GAB1: variants seen among roughly 807,000 people sequenced by gnomAD.
GAB1 encodes the protein GRB2 associated binding protein 1.
A neutral mutation model predicts 66.5 loss-of-function variants in GAB1; 19 were observed. The observed-to-expected ratio is 0.29, with a 90% CI of 0.20 to 0.42. The LOEUF is 0.42. Ranked by LOEUF, GAB1 falls within the 10% of genes least tolerant of loss-of-function variation. The pLI is 1.00. For synonymous variants in GAB1, 294 were observed against 301.4 expected, an observed-to-expected ratio of 0.98 and a Z score of 0.25; for missense variants, 732 against 858.5, an observed-to-expected ratio of 0.85 and a Z score of 1.84.
chr4:143,460,571 C>A, intron 8 of GAB1, 84 bp downstream of exon 8: 2 of 1,268,604 alleles, frequency 1.6e-6, no homozygotes, highest in Non-Finnish European at 2.2e-6. Context: ...AAATTTTATC[C>A]TCGTATCTTT....
intron 1 of GAB1, among the ~76,000 whole-genome samples, chr4:143,413,824 C>CCTTTTTTTTTTTTTTTTTTTTTTT (rs61697817): frequency 2.9e-5 from 2 of 67,826 alleles, no homozygotes; most frequent in African/African-American, 1.9e-4. Flanking sequence ...CCCCGCTGCC[C>CCTTTTTTTTTTTTTTTTTTTTTTT]TTTTTTTTTT....
chr4:143,336,881 C>T lies in GAB1; in HGVS notation c.-308C>T, dbSNP rs1352237372. The T allele has an allele frequency of 2.4e-6, 1 of 416,600 alleles. No individual in the cohort carries two copies. The highest frequency in any genetic ancestry group is 4.3e-6 in the Non-Finnish European group (1 of 231,594). 25.8% of individuals were successfully genotyped at this position (416,600 alleles called of 1,614,324 possible). ...CTCCGGCACCGAGTCGGGGCAGAGT[C>T]CCGCTGAGTCCGAGCGCTGCTGAGG... On this transcript the variant is annotated 5_prime_UTR_variant, in exon 1 of 10. Transcript: ENST00000262994.
chr4:143,390,873 G>A (rs1459588319), intron 1 of GAB1, among the ~76,000 whole-genome samples: 1 of 152,120 alleles, frequency 6.6e-6, no homozygotes, highest in African/African-American at 2.4e-5. Context: ...TAGGTCGCAG[G>A]TATGTCTGTG....
chr4:143,366,263 TAGAG>T (rs1729878459), intron 1 of GAB1, among the ~76,000 whole-genome samples: 2 of 152,204 alleles, frequency 1.3e-5, no homozygotes, highest in South Asian at 4.1e-4. Flanking sequence ...CTTTAGATAA[TAGAG>T]AAAGCATATT....
At chr4:143,380,069 A>G (rs1328055200) in intron 1 of GAB1, among the ~76,000 whole-genome samples, 1 of 150,180 alleles carries the variant, frequency 6.7e-6, no homozygotes, top group Non-Finnish European at 1.5e-5. Context: ...TTGAATTTCT[A>G]ACGTGGACCC....
chr4:143,337,010 G>A lies in GAB1; in HGVS notation c.-179G>A. 1.7e-6 allele frequency: 1 copy of A among 594,294 alleles called. No individual in the cohort carries two copies. The highest frequency in any genetic ancestry group is 3.0e-6 in the Non-Finnish European group (1 of 335,394). The allele number at this position is 594,294 out of a possible 1,614,324, so 36.8% of individuals were successfully genotyped here. ...TTCTGTTCAGGTTCGTGGGCCTGCA[G>A]AGGAGAGACTCGAACTCGTGGAACC... On this transcript the variant is annotated 5_prime_UTR_variant, in exon 1 of 10. Coordinates refer to ENST00000262994, the MANE Select transcript of GAB1 (RefSeq NM_002039.4).
At chr4:143,451,746 A>G (rs970108176) in intron 6 of GAB1, among the ~76,000 whole-genome samples, 9 of 152,150 alleles carry the variant, frequency 5.9e-5, no homozygotes, top group Non-Finnish European at 1.2e-4. Context: ...AAGGCATAGC[A>G]AAAGTCCCCC....
intron 1 of GAB1, among the ~76,000 whole-genome samples, chr4:143,368,152 T>C (rs1472873): frequency 0.32 from 49,074 of 151,448 alleles, 8,174 homozygotes; most frequent in South Asian, 0.49. Context: ...GGAAAAAATA[T>C]ATTATTGATA....
chr4:143,339,095 T>C (rs572310770), intron 1 of GAB1, among the ~76,000 whole-genome samples: 13 of 152,260 alleles, frequency 8.5e-5, no homozygotes, highest in Non-Finnish European at 1.8e-4. Context: ...TTACAACTGT[T>C]TTCTGAGGTA....
chr4:143,349,513 A>T (rs62337514), intron 1 of GAB1: 55,334 of 1,538,004 alleles, frequency 0.036, 1,150 homozygotes, highest in South Asian at 0.042. Flanking sequence ...ACCAGCCATC[A>T]TGAGCAGCTT....
intron 1 of GAB1, among the ~76,000 whole-genome samples, chr4:143,398,143 G>T (rs1401595800): frequency 6.6e-6 from 1 of 152,144 alleles, no homozygotes; most frequent in Non-Finnish European, 1.5e-5. Flanking sequence ...TGAAAAAGCT[G>T]GTGAGGGTGT....
chr4:143,448,879 G>A (rs1734726741), intron 6 of GAB1, among the ~76,000 whole-genome samples: 1 of 150,792 alleles, frequency 6.6e-6, no homozygotes, highest in Non-Finnish European at 1.5e-5. Context: ...TAATTGTGAT[G>A]TTAGGGTGTC....
chr4:143,357,903 A>G (rs577612330), intron 1 of GAB1, among the ~76,000 whole-genome samples: 2 of 152,188 alleles, frequency 1.3e-5, no homozygotes, highest in African/African-American at 4.8e-5. Flanking sequence ...AAGAGGGAAG[A>G]ATAAATTTGA....
At chr4:143,369,140 C>T (rs1730009618) in intron 1 of GAB1, among the ~76,000 whole-genome samples, 2 of 152,018 alleles carry the variant, frequency 1.3e-5, no homozygotes, top group Non-Finnish European at 2.9e-5. Flanking sequence ...GGGGTTTTGC[C>T]GTGTTGGCCA....
intron 6 of GAB1, among the ~76,000 whole-genome samples, chr4:143,456,969 C>T (rs1269793967): frequency 6.6e-6 from 1 of 152,144 alleles, no homozygotes; most frequent in Non-Finnish European, 1.5e-5. Context: ...TTTATGCTTT[C>T]AGAAATATAC....
intron 6 of GAB1, among the ~76,000 whole-genome samples, chr4:143,448,416 G>A (rs1353753380): frequency 2.0e-5 from 3 of 151,768 alleles, no homozygotes; most frequent in Admixed American, 2.0e-4. Context: ...GAATCCATCT[G>A]GTCCTGGACT....
At chr4:143,371,013 C>G (rs974638231) in intron 1 of GAB1, among the ~76,000 whole-genome samples, 15 of 152,170 alleles carry the variant, frequency 9.9e-5, no homozygotes, top group African/African-American at 3.6e-4. Context: ...AAACATATGT[C>G]CGCATGTGTC....
intron 1 of GAB1, among the ~76,000 whole-genome samples, chr4:143,401,925 A>AT (rs1731796489): frequency 6.6e-6 from 1 of 152,124 alleles, no homozygotes; most frequent in East Asian, 1.9e-4. Flanking sequence ...AGCTTACATG[A>AT]TTTTTTTCTG....
chr4:143,400,420 T>A (rs1731708493), intron 1 of GAB1, among the ~76,000 whole-genome samples: 1 of 152,110 alleles, frequency 6.6e-6, no homozygotes, highest in African/African-American at 2.4e-5. Flanking sequence ...TAATGCTGGG[T>A]GGTTTTTATT....
Sources: gnomAD v4.1 joint callset for allele counts (sites outside exome capture counted in the v4.1 genomes callset) on GRCh38, gnomAD v4.1.1 for gene constraint, MANE v1.5 for transcripts, NCBI Gene and HGNC (gene_info 2026-07-23, HGNC 2026-07-21) for gene names.